The following PPP2R3B variants were observed in gnomAD, a reference collection of about 807,000 sequenced individuals.
PPP2R3B encodes serine/threonine-protein phosphatase 2A regulatory subunit B'' subunit beta.
In PPP2R3B, 68 loss-of-function variants were observed where a neutral mutation model predicts 72.9. The ratio of observed to expected loss-of-function variants is 0.93; its 90% CI spans 0.77 to 1.14. The LOEUF (loss-of-function observed/expected upper bound fraction) is 1.14, where lower values mean the gene tolerates loss of function less well. Ranked by LOEUF, PPP2R3B falls within the 50% of genes most tolerant of loss-of-function variation. The pLI, the probability that PPP2R3B is intolerant of heterozygous loss-of-function variation, is 0.00. For synonymous variants in PPP2R3B, 466 were observed against 375.8 expected, an observed-to-expected ratio of 1.24 and a Z score of -2.78; for missense variants, 1,018 against 842.0, an observed-to-expected ratio of 1.21 and a Z score of -2.59.
chrX:379,694 G>A (rs1020362703), intron 1 of PPP2R3B, among the ~76,000 whole-genome samples: 3 of 152,240 alleles, frequency 2.0e-5, no homozygotes, highest in Non-Finnish European at 2.9e-5. Flanking sequence ...CAACGTTGCT[G>A]AACAAAACCT....
intron 7 of PPP2R3B, chrX:345,206 G>C (rs1306979827): frequency 1.1e-5 from 7 of 612,622 alleles, no homozygotes; most frequent in Middle Eastern, 3.0e-4. Flanking sequence ...CCTTGCTCGG[G>C]TGTTAACAAG....
chrX:338,224 G>A (rs1328567369), intron 12 of PPP2R3B: 14 of 387,302 alleles, frequency 3.6e-5, no homozygotes, highest in South Asian at 9.4e-5. Context: ...CTGGAAGGCC[G>A]AAGCGGAGGC....
At chrX:337,476 G>A (rs181609712) in intron 12 of PPP2R3B, 2,604 of 149,706 alleles carry the variant, frequency 0.017, 65 homozygotes, top group East Asian at 0.066. Context: ...AGCTCAGCAC[G>A]GGATGGCAAA....
intron 2 of PPP2R3B, among the ~76,000 whole-genome samples, chrX:354,960 G>A (rs1263423155): frequency 3.3e-5 from 5 of 152,246 alleles, no homozygotes; most frequent in South Asian, 2.1e-4. Context: ...ACTTGAGCCC[G>A]AGGCGGGAAG....
At chrX:337,736 G>A (rs6603205) in intron 12 of PPP2R3B, 109,559 of 152,270 alleles carry the variant, frequency 0.72, 40,144 homozygotes, top group Middle Eastern at 0.83. Context: ...ACGGACAGAC[G>A]CGTGCAGCAG....
intron 1 of PPP2R3B, among the ~76,000 whole-genome samples, chrX:385,229 A>G (rs1171125442): frequency 6.6e-6 from 1 of 151,320 alleles, no homozygotes; most frequent in Non-Finnish European, 1.5e-5. Context: ...AGCTCTTCCT[A>G]TAACTTCTTG....
rs192510017 is a variant in PPP2R3B at position 334,316 on chromosome X, C to T, written c.*51G>A. 6.3e-4 allele frequency: 907 copies of T among 1,432,566 alleles called. 4 individuals carry two copies. The African/African-American group carries it at 9.9e-3, about 16-fold the overall frequency. 88.7% of individuals were successfully genotyped at this position (1,432,566 alleles called of 1,614,324 possible). ...AGTTTTTACACGAGCCGCGGTGGCC[C>T]GGTGGTGGCACGTGGGGAGCGGCCC... On this transcript the variant is annotated 3_prime_UTR_variant, in exon 13 of 13. Coordinates refer to ENST00000390665, the MANE Select transcript of PPP2R3B (RefSeq NM_013239.5).
rs764019945 is a variant in PPP2R3B at position 386,650 on chromosome X, C to A, written c.42G>T (p.Lys14Asn). ...GKVLQPVLKM[K>N]VDELFLYWLS... ...GCCAGTACAGGAACAGCTCGTCCAC[C>A]TTCATCTTCAGGACCGGCTGCAGCA... is the stretch of plus-strand genomic sequence containing the variant. The change falls in exon 1 of 13, where the codon AAG becomes AAT. Residue 14 changes from lysine to asparagine, a missense_variant. By Grantham distance (94) the Lys-to-Asn change is moderately conservative (BLOSUM62 0). Transcript: ENST00000390665. The A allele has an allele frequency of 7.1e-7, 1 of 1,413,752 alleles. No individual in the cohort carries two copies. Among genetic ancestry groups the A allele is most frequent in the Admixed American group, 2.5e-5 (1 of 39,322 alleles). 87.6% of individuals were successfully genotyped at this position (1,413,752 alleles called of 1,614,324 possible). A position where few individuals can be genotyped will look rare whatever the true frequency, so the allele number is the denominator to read the frequency against.
rs1042490073 is a variant in PPP2R3B, at chrX:384,351, C to T, written c.324+2017G>A. ...TTCCTCTGTTGCTCAGGCTGGTGAGCAGTGGTGCAATCTCAGCTCACAGTA... is the reference window on the plus strand; with the variant it reads ...TTCCTCTGTTGCTCAGGCTGGTGAGTAGTGGTGCAATCTCAGCTCACAGTA... On this transcript the variant is annotated intron_variant, in intron 1 of 12. Coordinates refer to ENST00000390665, the MANE Select transcript of PPP2R3B (RefSeq NM_013239.5). Among the ~76,000 whole-genome samples, 12 of 148,392 alleles carry T rather than the reference C, an allele frequency of 8.1e-5. 1 individual carries two copies. Among genetic ancestry groups the T allele is most frequent in the Admixed American group, 2.7e-4 (4 of 14,710 alleles).
At chrX:347,991 C>T (rs1160050665) in intron 2 of PPP2R3B, among the ~76,000 whole-genome samples, 5 of 152,098 alleles carry the variant, frequency 3.3e-5, no homozygotes, top group Admixed American at 6.6e-5. Flanking sequence ...TCAAGCGGCA[C>T]GTACTAAGAA....
intron 2 of PPP2R3B, among the ~76,000 whole-genome samples, chrX:353,403 C>T (rs762041262): frequency 6.6e-6 from 1 of 152,106 alleles, no homozygotes; most frequent in South Asian, 2.1e-4. Context: ...ATGATACAGA[C>T]AGCCTGTGTT....
rs1039970951 is a variant in PPP2R3B at position 361,679 on chromosome X, C to T, written c.325-89G>A. 6.7e-5 allele frequency: 101 copies of T among 1,506,412 alleles called. No individual in the cohort carries two copies. The Middle Eastern group carries it at 9.2e-4, about 14-fold the overall frequency. The allele number at this position is 1,506,412 out of a possible 1,614,324, so 93.3% of individuals were successfully genotyped here. On this transcript the variant is annotated intron_variant, in intron 1 of 12. Transcript: ENST00000390665. Reference sequence around the variant, plus strand: ...ACAACACACGGGGCCTCTCTAGGGCCGACAGTGCTGAGGCCACCTGATCCC... The same window carrying T: ...ACAACACACGGGGCCTCTCTAGGGCTGACAGTGCTGAGGCCACCTGATCCC...
At chrX:361,256 C>T (rs1380682943) in intron 2 of PPP2R3B, 149 bp downstream of exon 2, 16 of 824,180 alleles carry the variant, frequency 1.9e-5, no homozygotes, top group African/African-American at 1.0e-4. Flanking sequence ...AAACCTGGGC[C>T]GCTCCCGCAC....
intron 7 of PPP2R3B, 99 bp downstream of exon 7, chrX:345,417 T>G (rs2738355): frequency 0.84 from 1,251,557 of 1,485,126 alleles, 528,289 homozygotes; most frequent in African/African-American, 0.97. Context: ...GACACAGAGC[T>G]GGGAGTGCGG....
chrX:349,908 G>A (rs1409137320), intron 2 of PPP2R3B, among the ~76,000 whole-genome samples: 3 of 152,096 alleles, frequency 2.0e-5, no homozygotes, highest in Non-Finnish European at 4.4e-5. Flanking sequence ...TCCTCCAGAC[G>A]ACTCTGTTGA....
intron 2 of PPP2R3B, among the ~76,000 whole-genome samples, chrX:348,563 G>C (rs2071270154): frequency 9.3e-6 from 1 of 107,110 alleles, no homozygotes; most frequent in Non-Finnish European, 1.8e-5. Flanking sequence ...GTGACAGAGA[G>C]AGACTCTGTC....
At chrX:367,244 T>C (rs942429895) in intron 1 of PPP2R3B, among the ~76,000 whole-genome samples, 7 of 151,600 alleles carry the variant, frequency 4.6e-5, no homozygotes, top group African/African-American at 7.3e-5. Flanking sequence ...CATAAATCAG[T>C]GATAACAATG....
At position 341,369 on chromosome X, in the gene PPP2R3B, C is replaced by G. The variant is rs2071069444; in HGVS notation, c.1113G>C (p.Lys371Asn). Residue 371 changes from lysine to asparagine, a missense_variant, in exon 9 of 13, where the codon AAG becomes AAC. By Grantham distance (94) the Lys-to-Asn change is moderately conservative. Coordinates refer to ENST00000390665, the MANE Select transcript of PPP2R3B (RefSeq NM_013239.5). ...TRGRKVQKEG[K>N]ISYADFVWFL... is the part of the protein sequence containing the mutation. ...ACCAGACAAAGTCGGCATAGCTGAT[C>G]TTCCCTTCCTTCTGCACTTTTCTGC... is the stretch of plus-strand genomic sequence containing the variant. The G allele has an allele frequency of 6.2e-7, 1 of 1,612,598 alleles. No homozygotes were observed. Among genetic ancestry groups the G allele is most frequent in the African/African-American group, 1.3e-5 (1 of 74,932 alleles).
intron 1 of PPP2R3B, among the ~76,000 whole-genome samples, chrX:369,539 C>G (rs945773465): frequency 1.3e-5 from 2 of 152,220 alleles, no homozygotes; most frequent in African/African-American, 4.8e-5. Context: ...CTGAGCCTAA[C>G]ACTGAGGCTG....
Sources: gnomAD v4.1 joint callset for allele counts (sites outside exome capture counted in the v4.1 genomes callset) on GRCh38, gnomAD v4.1.1 for gene constraint, MANE v1.5 for transcripts, NCBI Gene and HGNC (gene_info 2026-07-23, HGNC 2026-07-21) for gene names.